Variants in MLF1 observed in about 807,000 individuals in gnomAD.
The protein encoded by MLF1 is myeloid leukemia factor 1.
Under a neutral mutation model 38.3 loss-of-function variants are expected in MLF1, and 37 were observed. The observed-to-expected ratio is 0.96, with a 90% CI of 0.74 to 1.27. The LOEUF (loss-of-function observed/expected upper bound fraction) is 1.27. Among genes scored for constraint, MLF1 ranks in the 50% most tolerant of loss-of-function variants. The probability of loss-of-function intolerance (pLI) is 0.00; values close to 1 mark genes in which losing one functional copy is unlikely to be tolerated. For synonymous variants in MLF1, 95 were observed against 106.5 expected, an observed-to-expected ratio of 0.89 and a Z score of 0.66; for missense variants, 331 against 349.2, an observed-to-expected ratio of 0.95 and a Z score of 0.42.
In MLF1 at chr3:158,605,398, T is replaced by A. The variant is rs373936354; in HGVS notation, c.*196T>A. On this transcript the variant is annotated 3_prime_UTR_variant, in exon 8 of 8. Coordinates refer to ENST00000466246, the MANE Select transcript of MLF1 (RefSeq NM_001369783.1). ...GGAATAAAATTTTGATTTTCAACAA[T>A]GTGAGTAAATTGAGTCTATTTAATG... 11 of 426,826 alleles carry A rather than the reference T, an allele frequency of 2.6e-5. No homozygotes were observed. The East Asian group carries it at 3.0e-4, about 12-fold the overall frequency. 26.4% of individuals were successfully genotyped at this position (426,826 alleles called of 1,614,324 possible). A position where few individuals can be genotyped will look rare whatever the true frequency, so the allele number is the denominator to read the frequency against.
At chr3:158,591,024 A>T in intron 1 of MLF1, 1 of 440,374 alleles carries the variant, frequency 2.3e-6, no homozygotes, top group East Asian at 6.4e-5. Flanking sequence ...GCTCTTTTGG[A>T]ATAGGTTTAT....
At position 158,596,955 on chromosome 3, in the gene MLF1, AAAAAC is replaced by A. The variant is rs1718973402; in HGVS notation, c.324+14_324+18del. On this transcript the variant is annotated intron_variant, in intron 4 of 7. Transcript: ENST00000466246. ...ATTAGAAAGAAACTTCGTAAGTACTAAAAACAAAGCATTGAGAACATTGTGTATAC... is the reference window on the plus strand; with the variant it reads ...ATTAGAAAGAAACTTCGTAAGTACTAAAAGCATTGAGAACATTGTGTATAC... 2 of 1,534,454 alleles carry A rather than the reference AAAAAC, an allele frequency of 1.3e-6. No individual in the cohort carries two copies. The highest frequency in any genetic ancestry group is 1.8e-6 in the Non-Finnish European group (2 of 1,112,184).
chr3:158,581,644 A>C (rs1289653940), intron 1 of MLF1, among the ~76,000 whole-genome samples: 1 of 152,216 alleles, frequency 6.6e-6, no homozygotes, highest in Non-Finnish European at 1.5e-5. Flanking sequence ...CCCAGTAAAT[A>C]TGTACTACTT....
intron 1 of MLF1, among the ~76,000 whole-genome samples, chr3:158,581,511 T>G (rs1358411794): frequency 6.6e-6 from 1 of 152,124 alleles, no homozygotes; most frequent in Non-Finnish European, 1.5e-5. Context: ...ACTGGTGAAG[T>G]TTACAACCCA....
At chr3:158,584,952 C>G (rs1005711538) in intron 1 of MLF1, among the ~76,000 whole-genome samples, 23 of 144,354 alleles carry the variant, frequency 1.6e-4, no homozygotes, top group Admixed American at 1.4e-4. Context: ...GTGGGAGGAT[C>G]ATTTGAGCCT....
chr3:158,605,145 T>A lies in MLF1; in HGVS notation c.795T>A (p.Asn265Lys), dbSNP rs141302132. The A allele has an allele frequency of 9.6e-4, 1,555 of 1,613,908 alleles. 13 individuals carry two copies. In the African/African-American group the frequency reaches 0.019, roughly 20 times the overall value. ...SPAIEHGRRS[N>K]VLGDKLHIKG... ...CCATTGAACATGGAAGGAGATCAAA[T>A]GTTTTGGGGGACAAACTCCACATCA... is the stretch of plus-strand genomic sequence containing the variant. Residue 265 changes from asparagine (N) to lysine (K), a missense_variant, in exon 8 of 8, where the codon AAT (asparagine) becomes AAA (lysine). By Grantham distance (94) the Asn-to-Lys change is moderately conservative. Coordinates refer to ENST00000466246, the MANE Select transcript of MLF1 (RefSeq NM_001369783.1).
At chr3:158,603,254 A>G (rs1004121876) in intron 7 of MLF1, among the ~76,000 whole-genome samples, 1 of 152,220 alleles carries the variant, frequency 6.6e-6, no homozygotes, top group Admixed American at 6.5e-5. Flanking sequence ...AACACATTGT[A>G]ATATGGATAT....
intron 1 of MLF1, among the ~76,000 whole-genome samples, chr3:158,581,930 A>G (rs1277116126): frequency 6.6e-6 from 1 of 152,238 alleles, no homozygotes; most frequent in Non-Finnish European, 1.5e-5. Flanking sequence ...CTGTAATCCC[A>G]GCACTTTGGG....
chr3:158,586,007 C>CA (rs200021918), intron 1 of MLF1, among the ~76,000 whole-genome samples: 2,007 of 151,868 alleles, frequency 0.013, 48 homozygotes, highest in African/African-American at 0.047. Context: ...ACTAAAAATA[C>CA]AAAAAAATTT....
Position 158,593,435 on chromosome 3 carries a change from C to T in MLF1, c.240+9C>T. ...GCGATTTTGGTGGTATGGTTCGTAT[C>T]TTAAGACACAAATCATTTTAGCAAT... On this transcript the variant is annotated intron_variant, in intron 3 of 7. Coordinates refer to ENST00000466246, the MANE Select transcript of MLF1 (RefSeq NM_001369783.1). 1 of 1,551,154 alleles carries T rather than the reference C, an allele frequency of 6.4e-7. No homozygotes were observed. The highest frequency in any genetic ancestry group is 8.7e-7 in the Non-Finnish European group (1 of 1,154,050).
chr3:158,584,907 G>A lies in MLF1; in HGVS notation c.48-7527G>A, dbSNP rs138316716. Among the ~76,000 whole-genome samples the A allele has an allele frequency of 4.7e-3, 711 of 151,830 alleles. 4 individuals are homozygous for A. Among genetic ancestry groups the A allele is most frequent in the Non-Finnish European group, 7.4e-3 (501 of 67,926 alleles). On this transcript the variant is annotated intron_variant, in intron 1 of 7. Coordinates refer to ENST00000466246, the MANE Select transcript of MLF1 (RefSeq NM_001369783.1). ...ACAAAAATTAGCCAGGCACAGTGGT[G>A]CACATCTGTAGTTTCAGCTACTAGG...
intron 1 of MLF1, among the ~76,000 whole-genome samples, chr3:158,574,684 CA>C (rs59567882): frequency 0.23 from 25,001 of 108,762 alleles, 2,443 homozygotes; most frequent in African/African-American, 0.38. Context: ...AACACTGTCT[CA>C]AAAAAAAAAA....
At position 158,605,139 on chromosome 3, in the gene MLF1, A is replaced by G; in HGVS notation, c.789A>G (p.Arg263=). 8 of 1,613,956 alleles carry G rather than the reference A, an allele frequency of 5.0e-6. No homozygotes were observed. Among genetic ancestry groups the G allele is most frequent in the Non-Finnish European group, 6.8e-6 (8 of 1,179,946 alleles). ...GTCCAGCCATTGAACATGGAAGGAG[A>G]TCAAATGTTTTGGGGGACAAACTCC... ...QQSPAIEHGR[R]SNVLGDKLHI... Residue 263 remains arginine, a synonymous_variant, in exon 8 of 8, where the codon AGA becomes AGG. Coordinates refer to ENST00000466246, the MANE Select transcript of MLF1 (RefSeq NM_001369783.1).
At chr3:158,590,852 G>T (rs764793479) in intron 1 of MLF1, 13 of 448,822 alleles carry the variant, frequency 2.9e-5, no homozygotes, top group Non-Finnish European at 5.8e-5. Context: ...AACAAAATTG[G>T]TAAATTTCGT....
intron 1 of MLF1, among the ~76,000 whole-genome samples, chr3:158,580,960 T>C (rs1009041313): frequency 6.6e-6 from 1 of 151,992 alleles, no homozygotes; most frequent in Non-Finnish European, 1.5e-5. Flanking sequence ...AATAATAATA[T>C]GCCATGTAAG....
Position 158,574,210 on chromosome 3 carries a change from AAAAT to A in MLF1, c.47+2867_47+2870del, listed in dbSNP as rs530454176. Among the ~76,000 whole-genome samples the A allele has an allele frequency of 2.0e-5, 3 of 152,322 alleles. No individual in the cohort carries two copies. In the South Asian group the frequency reaches 6.2e-4, roughly 32 times the overall value. On this transcript the variant is annotated intron_variant, in intron 1 of 7. Coordinates refer to ENST00000466246, the MANE Select transcript of MLF1 (RefSeq NM_001369783.1). ...TGGGAAATGAAATGGTTAATATAGA[AAAAT>A]AAAATGATTAAAATTTTTTTCTGAA...
chr3:158,578,393 G>GTGTGTGTT (rs1274380724), intron 1 of MLF1, among the ~76,000 whole-genome samples: 1 of 151,874 alleles, frequency 6.6e-6, no homozygotes, highest in African/African-American at 2.4e-5. Flanking sequence ...GTGTGTGTGT[G>GTGTGTGTT]TGTGTGTGTA....
chr3:158,596,877 T>G lies in MLF1; in HGVS notation c.256T>G (p.Ser86Ala). 1.2e-6 allele frequency: 2 copies of G among 1,609,068 alleles called. No homozygotes were observed. Among genetic ancestry groups the G allele is most frequent in the Non-Finnish European group, 1.7e-6 (2 of 1,176,714 alleles). ...TATTCTGTAGCATACAGATGTCAGC[T>G]CTTTCCAGACAATGGACCAAATGGT... ...DFGGMHTDVSSFQTMDQMVSN... is the reference protein window; with the variant it reads ...DFGGMHTDVSAFQTMDQMVSN... The change falls in exon 4 of 8, where the codon TCT becomes GCT. Residue 86 changes from serine to alanine, a missense_variant. Ser to Ala is a moderately conservative substitution (Grantham distance 99, BLOSUM62 1). Transcript: ENST00000466246.
chr3:158,601,681 C>T (rs900688440), intron 6 of MLF1, among the ~76,000 whole-genome samples: 2 of 151,786 alleles, frequency 1.3e-5, no homozygotes, highest in East Asian at 1.9e-4. Context: ...CTCTTGAACC[C>T]GGAAGGCAGA....
Sources: allele counts gnomAD v4.1 joint callset (sites outside exome capture counted in the v4.1 genomes callset), GRCh38; gene constraint gnomAD v4.1.1; transcripts MANE v1.5; gene names NCBI Gene and HGNC (gene_info 2026-07-23, HGNC 2026-07-21).